KCNMB2: variants seen among roughly 807,000 people sequenced by gnomAD.
KCNMB2 encodes potassium calcium-activated channel subfamily M regulatory beta subunit 2.
In KCNMB2, 9 loss-of-function variants were observed where a neutral mutation model predicts 24.5. The observed-to-expected ratio is 0.37, with a 90% CI of 0.22 to 0.64. The LOEUF (loss-of-function observed/expected upper bound fraction) is 0.64, where lower values mean the gene tolerates loss of function less well. Among genes scored for constraint, KCNMB2 ranks in the 30% least tolerant of loss-of-function variants. KCNMB2 has a pLI of 0.63. For synonymous variants in KCNMB2, 109 were observed against 104.4 expected, an observed-to-expected ratio of 1.04 and a Z score of -0.27; for missense variants, 226 against 284.3, an observed-to-expected ratio of 0.79 and a Z score of 1.47.
At chr3:178,839,407 C>G (rs1181857509) in intron 4 of KCNMB2, among the ~76,000 whole-genome samples, 5 of 151,862 alleles carry the variant, frequency 3.3e-5, no homozygotes, top group African/African-American at 1.2e-4. Flanking sequence ...GGAAGAGGAA[C>G]AGAGAGAAAG....
chr3:178,653,626 T>G (rs1308358922), intron 1 of KCNMB2, among the ~76,000 whole-genome samples: 1 of 152,068 alleles, frequency 6.6e-6, no homozygotes, highest in African/African-American at 2.4e-5. Context: ...TCATCAAGTG[T>G]TTTTGATATT....
At chr3:178,678,662 T>C (rs865927944) in intron 1 of KCNMB2, among the ~76,000 whole-genome samples, 40 of 152,180 alleles carry the variant, frequency 2.6e-4, no homozygotes, top group Admixed American at 7.9e-4. Flanking sequence ...ACTTCACCTA[T>C]TGGGGATGCT....
At chr3:178,630,397 G>A (rs1477767) in intron 1 of KCNMB2, among the ~76,000 whole-genome samples, 26,548 of 152,214 alleles carry the variant, frequency 0.17, 2,368 homozygotes, top group East Asian at 0.24. Context: ...CCAGTAAGCT[G>A]TTCCACATAA....
chr3:178,658,356 T>C (rs75645480), intron 1 of KCNMB2, among the ~76,000 whole-genome samples: 4,835 of 152,318 alleles, frequency 0.032, 204 homozygotes, highest in East Asian at 0.18. Flanking sequence ...CATTGAGAAA[T>C]TGAAGTCAAA....
At chr3:178,703,424 C>G (rs1036913382) in intron 1 of KCNMB2, among the ~76,000 whole-genome samples, 1 of 152,108 alleles carries the variant, frequency 6.6e-6, no homozygotes, top group African/African-American at 2.4e-5. Context: ...GTATTTAGTT[C>G]TCCATTTGTA....
chr3:178,618,811 AT>A (rs1718806414), intron 1 of KCNMB2, among the ~76,000 whole-genome samples: 1 of 152,232 alleles, frequency 6.6e-6, no homozygotes, highest in Non-Finnish European at 1.5e-5. Flanking sequence ...GAATTGGGAT[AT>A]CTCAAAAAGG....
chr3:178,678,184 C>A (rs1196593083), intron 1 of KCNMB2, among the ~76,000 whole-genome samples: 1 of 152,106 alleles, frequency 6.6e-6, no homozygotes, highest in Admixed American at 6.5e-5. Context: ...ATTGTTTTAA[C>A]ATTTTTTATC....
intron 1 of KCNMB2, among the ~76,000 whole-genome samples, chr3:178,614,249 A>T (rs1235467805): frequency 1.4e-3 from 19 of 13,390 alleles, no homozygotes; most frequent in African/African-American, 6.7e-3. Context: ...GGCTAATTTT[A>T]TATATATATA....
At position 178,717,052 on chromosome 3, in the gene KCNMB2, T is replaced by TA. The variant is rs559096276; in HGVS notation, c.-67-90277dup. Among the ~76,000 whole-genome samples the TA allele has an allele frequency of 2.4e-3, 329 of 135,442 alleles. 1 individual carries two copies. Among genetic ancestry groups the TA allele is most frequent in the South Asian group, 0.01 (43 of 4,256 alleles). 88.9% of individuals were successfully genotyped at this position (135,442 alleles called of 152,430 possible). A position where few individuals can be genotyped will look rare whatever the true frequency, so the allele number is the denominator to read the frequency against. On this transcript the variant is annotated intron_variant, in intron 1 of 4. Coordinates refer to ENST00000452583, the MANE Select transcript of KCNMB2 (RefSeq NM_181361.3). ...TATGTCTGGGCAAATTTCAGCAACT[T>TA]AAAAAAAAAAAAAAGGATGAACTAT...
intron 1 of KCNMB2, among the ~76,000 whole-genome samples, chr3:178,549,398 C>T (rs1044340936): frequency 3.3e-5 from 5 of 150,034 alleles, no homozygotes; most frequent in Non-Finnish European, 7.4e-5. Flanking sequence ...GCAGTCTCTG[C>T]CTCCTGGGTT....
At chr3:178,656,952 A>C (rs893780900) in intron 1 of KCNMB2, among the ~76,000 whole-genome samples, 8 of 152,220 alleles carry the variant, frequency 5.3e-5, no homozygotes, top group Admixed American at 6.5e-5. Flanking sequence ...AAATTCACTC[A>C]GTCAAACCCA....
At chr3:178,676,835 A>G (rs1235996913) in intron 1 of KCNMB2, among the ~76,000 whole-genome samples, 1 of 152,038 alleles carries the variant, frequency 6.6e-6, no homozygotes, top group Non-Finnish European at 1.5e-5. Flanking sequence ...AAACCCTTCC[A>G]TTTGTTTAGC....
At chr3:178,797,771 T>C (rs550636502) in intron 1 of KCNMB2, among the ~76,000 whole-genome samples, 99 of 152,340 alleles carry the variant, frequency 6.5e-4, no homozygotes, top group African/African-American at 2.0e-3. Context: ...TCCATGAGCA[T>C]GAATATTTTT....
chr3:178,551,371 A>G (rs1254871964), intron 1 of KCNMB2, among the ~76,000 whole-genome samples: 5 of 152,232 alleles, frequency 3.3e-5, no homozygotes, highest in African/African-American at 1.2e-4. Flanking sequence ...AAAAGCATTG[A>G]AAGTCCTATC....
At chr3:178,672,263 C>T (rs759723255) in intron 1 of KCNMB2, among the ~76,000 whole-genome samples, 3 of 152,112 alleles carry the variant, frequency 2.0e-5, no homozygotes, top group East Asian at 1.9e-4. Flanking sequence ...CTTACCACAC[C>T]CCTGTGAGGG....
At chr3:178,698,479 C>CTT (rs1277707080) in intron 1 of KCNMB2, among the ~76,000 whole-genome samples, 1 of 152,152 alleles carries the variant, frequency 6.6e-6, no homozygotes, top group African/African-American at 2.4e-5. Flanking sequence ...CAGTTACATT[C>CTT]TTATTTTTAC....
At chr3:178,743,931 T>C (rs1723577327) in intron 1 of KCNMB2, among the ~76,000 whole-genome samples, 1 of 152,198 alleles carries the variant, frequency 6.6e-6, no homozygotes, top group African/African-American at 2.4e-5. Flanking sequence ...TTGGACAGAA[T>C]TAAAGCATCT....
intron 1 of KCNMB2, among the ~76,000 whole-genome samples, chr3:178,583,185 A>G (rs1717278701): frequency 6.6e-6 from 1 of 152,170 alleles, no homozygotes; most frequent in South Asian, 2.1e-4. Flanking sequence ...ATTTGTTAAT[A>G]CGTATTAAGA....
intron 1 of KCNMB2, among the ~76,000 whole-genome samples, chr3:178,648,589 C>A (rs147064914): frequency 2.3e-4 from 35 of 152,252 alleles, no homozygotes; most frequent in African/African-American, 7.5e-4. Flanking sequence ...TAAGTCATTT[C>A]TTTGTTCTCT....
Sources: allele counts gnomAD v4.1 joint callset (sites outside exome capture counted in the v4.1 genomes callset), GRCh38; gene constraint gnomAD v4.1.1; transcripts MANE v1.5; gene names NCBI Gene and HGNC (gene_info 2026-07-23, HGNC 2026-07-21).